Variants in CUL9 observed in about 807,000 individuals in gnomAD.
CUL9 encodes cullin-9.
In CUL9, 79 loss-of-function variants were observed where a neutral mutation model predicts 272.6. That is an observed-to-expected ratio of 0.29 (90% CI 0.24 to 0.35). CUL9 has a LOEUF of 0.35. CUL9 is among the 10% of genes least tolerant of loss of function. The probability of loss-of-function intolerance (pLI) is 1.00; values close to 1 mark genes in which losing one functional copy is unlikely to be tolerated. For missense variants in CUL9, 2,532 were observed against 3,255.6 expected (o/e 0.78, Z 5.41); for synonymous variants, 1,186 against 1,286.5 (o/e 0.92, Z 1.67).
intron 26 of CUL9, among the ~76,000 whole-genome samples, chr6:43,211,082 A>C (rs1027229668): frequency 6.6e-6 from 1 of 152,220 alleles, no homozygotes; most frequent in Non-Finnish European, 1.5e-5. Flanking sequence ...TCTTAACTCC[A>C]GCTCTAACTC....
chr6:43,207,582 T>C (rs1775149149), intron 26 of CUL9, among the ~76,000 whole-genome samples: 1 of 152,230 alleles, frequency 6.6e-6, no homozygotes, highest in South Asian at 2.1e-4. Flanking sequence ...ATTTTTATTA[T>C]TGTTTAGTTC....
chr6:43,223,119 G>A lies in CUL9; in HGVS notation c.7151-145G>A. 8.1e-7 allele frequency: 1 copy of A among 1,231,310 alleles called. No homozygotes were observed. The highest frequency in any genetic ancestry group is 2.7e-5 in the Admixed American group (1 of 36,408). 76.3% of individuals were successfully genotyped at this position (1,231,310 alleles called of 1,614,324 possible). ...GTTCGTGGATGTTTCTTGGTTTCTG[G>A]TCTTTACCCTGCTCCCCTAGGGAGC... On this transcript the variant is annotated intron_variant, in intron 38 of 40. Transcript: ENST00000252050. This position sits in a 1 kb window ranked among gnomAD's most constrained non-coding sequence, Gnocchi z 4.1.
chr6:43,223,459 C>T lies in CUL9; in HGVS notation c.7284+62C>T. The T allele has an allele frequency of 6.6e-7, 1 of 1,520,972 alleles. No individual in the cohort carries two copies. Among genetic ancestry groups the T allele is most frequent in the Non-Finnish European group, 8.9e-7 (1 of 1,126,346 alleles). 94.2% of individuals were successfully genotyped at this position (1,520,972 alleles called of 1,614,324 possible). On this transcript the variant is annotated intron_variant, in intron 39 of 40. Coordinates refer to ENST00000252050, the MANE Select transcript of CUL9 (RefSeq NM_015089.4). The surrounding 1 kb of genome is among the most constrained non-coding windows in gnomAD (Gnocchi z 4.1). ...CTGCGGGAGTTGAGGTCCTCCTGTC[C>T]CAGCACAGCCCCTGCCCTGGGGCGA...
In CUL9 at chr6:43,200,505, T is replaced by C; in HGVS notation, c.3454T>C (p.Phe1152Leu). ...QPINIPFFDVFLRHLCQGSSV... is the reference protein window; with the variant it reads ...QPINIPFFDVLLRHLCQGSSV... ...CATCAATATCCCCTTCTTTGATGTG[T>C]TCCTCAGGCATCTCTGCCAGGGTTA... is the stretch of plus-strand genomic sequence containing the variant. Residue 1152 changes from phenylalanine (F) to leucine (L), a missense_variant, in exon 15 of 41, where the codon TTC becomes CTC. Physicochemically the swap from Phe to Leu is conservative, Grantham distance 22. This residue lies in a region of CUL9 where 2,218 missense variants were observed against 2,788.6 expected (regional missense o/e 0.80). Coordinates refer to ENST00000252050, the MANE Select transcript of CUL9 (RefSeq NM_015089.4). The surrounding 1 kb of genome is among the most constrained non-coding windows in gnomAD (Gnocchi z 4.0). 2 of 1,614,180 alleles carry C rather than the reference T, an allele frequency of 1.2e-6. No homozygotes were observed. Among genetic ancestry groups the C allele is most frequent in the Non-Finnish European group, 1.7e-6 (2 of 1,180,040 alleles).
At chr6:43,198,893 G>A (rs1195748901) in intron 12 of CUL9, 38 bp downstream of exon 12, 3 of 1,595,042 alleles carry the variant, frequency 1.9e-6, no homozygotes, top group African/African-American at 1.3e-5. Context: ...TTGGGACGAG[G>A]GAAACTGGCA....
chr6:43,187,227 G>A lies in CUL9; in HGVS notation c.1388-19G>A, dbSNP rs759788784. 1.7e-5 allele frequency: 28 copies of A among 1,612,062 alleles called. No homozygotes were observed. Among genetic ancestry groups the A allele is most frequent in the Middle Eastern group, 1.7e-4 (1 of 5,926 alleles). ...CCATTCCTGAGGGGTGCTGATGCCC[G>A]CCATGCCTGTGTCCTCAGCATTTCC... On this transcript the variant is annotated intron_variant, in intron 5 of 40. Transcript: ENST00000252050.
chr6:43,199,233 G>T lies in CUL9; in HGVS notation c.3051-33G>T. 1 of 1,556,824 alleles carries T rather than the reference G, an allele frequency of 6.4e-7. No individual in the cohort carries two copies. Among genetic ancestry groups the T allele is most frequent in the Non-Finnish European group, 8.9e-7 (1 of 1,129,236 alleles). On this transcript the variant is annotated intron_variant, in intron 12 of 40. Transcript: ENST00000252050. This position sits in a 1 kb window ranked among gnomAD's most constrained non-coding sequence, Gnocchi z 4.4. ...TTACAGGCATGAGCCACTGTGCCTGGCCTGACTTCACTCGTTTCTACCCCC... is the reference window on the plus strand; with the variant it reads ...TTACAGGCATGAGCCACTGTGCCTGTCCTGACTTCACTCGTTTCTACCCCC...
rs1042782640 is a variant in CUL9 at position 43,220,387 on chromosome 6, T to C, written c.6283-72T>C. On this transcript the variant is annotated intron_variant, in intron 31 of 40. Transcript: ENST00000252050. This position sits in a 1 kb window ranked among gnomAD's most constrained non-coding sequence, Gnocchi z 4.9. ...GGGAAGGGAAGGAGGGACGCTAGCT[T>C]AGTTACCAGGACACTCCCCCTGTGC... 1.3e-6 allele frequency: 2 copies of C among 1,551,452 alleles called. No individual in the cohort carries two copies. The highest frequency in any genetic ancestry group is 2.3e-5 in the East Asian group (1 of 44,310).
In CUL9 at chr6:43,216,434, C is replaced by G; in HGVS notation, c.6213C>G (p.Pro2071=). Residue 2071 remains proline, a synonymous_variant, in exon 31 of 41, where the codon CCC becomes CCG. Transcript: ENST00000252050. ...QAVPVRPDHC[P]VCVSPLGCDD... is the part of the protein sequence containing the mutation. ...TACCCGTACGGCCTGACCACTGCCC[C>G]GTCTGTGTGAGCCCCCTGGGGTGTG... 6.2e-7 allele frequency: 1 copy of G among 1,612,342 alleles called. No homozygotes were observed.
At chr6:43,217,645 A>G (rs551061116) in intron 31 of CUL9, among the ~76,000 whole-genome samples, 1 of 152,312 alleles carries the variant, frequency 6.6e-6, no homozygotes, top group East Asian at 1.9e-4. Flanking sequence ...GTGCACGTGC[A>G]TGCGTGTGTA....
In CUL9 at chr6:43,224,488, G is replaced by A. The variant is rs185040196; in HGVS notation, c.*43G>A. Reference sequence around the variant, plus strand: ...ACACCTAGAGCAGCCCCAGAGTCACGGGGCTGAGGGGGCGGGAGCTGCCCC... The same window carrying A: ...ACACCTAGAGCAGCCCCAGAGTCACAGGGCTGAGGGGGCGGGAGCTGCCCC... On this transcript the variant is annotated 3_prime_UTR_variant, in exon 41 of 41. Coordinates refer to ENST00000252050, the MANE Select transcript of CUL9 (RefSeq NM_015089.4). This position sits in a 1 kb window ranked among gnomAD's most constrained non-coding sequence, Gnocchi z 4.2. 24 of 1,566,130 alleles carry A rather than the reference G, an allele frequency of 1.5e-5. No homozygotes were observed. Among genetic ancestry groups the A allele is most frequent in the Admixed American group, 3.6e-5 (2 of 55,030 alleles).
In CUL9 at chr6:43,213,775, C is replaced by T; in HGVS notation, c.5551C>T (p.Pro1851Ser). 1.9e-6 allele frequency: 3 copies of T among 1,614,130 alleles called. No individual in the cohort carries two copies. The East Asian group carries it at 6.7e-5, about 36-fold the overall frequency. Residue 1851 changes from proline (P) to serine (S), a missense_variant, in exon 29 of 41, where the codon CCC (proline) becomes TCC (serine). By Grantham distance (74) the Pro-to-Ser change is moderately conservative. Coordinates refer to ENST00000252050, the MANE Select transcript of CUL9 (RefSeq NM_015089.4). The surrounding 1 kb of genome is among the most constrained non-coding windows in gnomAD (Gnocchi z 5.7). ...RSGEALWLIP[P>S]QAYLNVEKDE... ...TGGGGAGGCCCTGTGGCTGATACCT[C>T]CCCAGGCATACCTGAACGTAGAGAA...
intron 29 of CUL9, 80 bp from the exon 30 acceptor site, chr6:43,214,999 A>C (rs1466728240): frequency 6.8e-7 from 1 of 1,479,142 alleles, no homozygotes; most frequent in Non-Finnish European, 9.1e-7. Context: ...GGGGAAAAAT[A>C]AGTGGCAGAG....
Position 43,200,131 on chromosome 6 carries a change from C to G in CUL9, c.3359C>G (p.Ser1120Cys). Residue 1120 changes from serine to cysteine, a missense_variant, in exon 14 of 41, where the codon TCC becomes TGC. Ser to Cys is a moderately radical substitution (Grantham distance 112). Around this residue, in one of 3 missense-constraint regions of CUL9, gnomAD observed 2,218 missense variants for 2,788.6 expected, o/e 0.80. Coordinates refer to ENST00000252050, the MANE Select transcript of CUL9 (RefSeq NM_015089.4). This position sits in a 1 kb window ranked among gnomAD's most constrained non-coding sequence, Gnocchi z 4.0. The stretch of plus-strand genomic sequence containing the variant: ...GCACAGCTCTATAGCAACCTCACCT[C>G]CAGCATCCTGGCCGGCTGCATTCAG... ...KYAQLYSNLT[S>C]SILAGCIQMV... 1 of 1,614,160 alleles carries G rather than the reference C, an allele frequency of 6.2e-7. No individual in the cohort carries two copies.
rs1455509915 is a variant in CUL9, at chr6:43,204,345, C to T, written c.4160-15C>T. On this transcript the variant is annotated splice_polypyrimidine_tract_variant and intron_variant, in intron 20 of 40. Coordinates refer to ENST00000252050, the MANE Select transcript of CUL9 (RefSeq NM_015089.4). ...ATCTCCCATGGAGACCTGTTCCTGA[C>T]CTGTCTTCTTTCAGATGCGGAAGGC... 1.2e-6 allele frequency: 2 copies of T among 1,612,996 alleles called. No individual in the cohort carries two copies. Among genetic ancestry groups the T allele is most frequent in the Non-Finnish European group, 1.7e-6 (2 of 1,179,098 alleles).
In CUL9 at chr6:43,206,196, G is replaced by C. The variant is rs746938088; in HGVS notation, c.4983G>C (p.Glu1661Asp). The change falls in exon 25 of 41, where the codon GAG becomes GAC. Residue 1661 changes from glutamate (E) to aspartate (D), a missense_variant. Transcript: ENST00000252050. The surrounding 1 kb of genome is among the most constrained non-coding windows in gnomAD (Gnocchi z 4.8). ...QLQRLDKLFL[E>D]QEDEEEKRLE... ...AGCGGCTCGACAAGTTGTTCTTGGA[G>C]CAGGAAGATGAGGAGGAAAAGAGAC... 1.2e-6 allele frequency: 2 copies of C among 1,612,574 alleles called. No homozygotes were observed. The highest frequency in any genetic ancestry group is 2.2e-5 in the South Asian group (2 of 90,894).
chr6:43,196,456 G>A, intron 10 of CUL9, 189 bp from the exon 11 acceptor site: 1 of 764,716 alleles, frequency 1.3e-6, no homozygotes. Flanking sequence ...CCCAGAGAGG[G>A]CAGAGACACA....
rs1027876023 is a variant in CUL9, at chr6:43,222,505, G to A, written c.6922-26G>A. 5.6e-6 allele frequency: 9 copies of A among 1,612,354 alleles called. No individual in the cohort carries two copies. In the South Asian group the frequency reaches 8.8e-5, roughly 16 times the overall value. On this transcript the variant is annotated intron_variant, in intron 36 of 40. Coordinates refer to ENST00000252050, the MANE Select transcript of CUL9 (RefSeq NM_015089.4). The stretch of plus-strand genomic sequence containing the variant: ...AGGTGGTGCTGCGCCACCTGTGCTG[G>A]TACTGATACACCTTCCTCCACACAG...
intron 26 of CUL9, among the ~76,000 whole-genome samples, chr6:43,208,198 A>C (rs1775192132): frequency 6.6e-6 from 1 of 152,112 alleles, no homozygotes; most frequent in African/African-American, 2.4e-5. Flanking sequence ...TAATCAGTTT[A>C]TTATTTTATT....
Sources: gnomAD v4.1 joint callset for allele counts (sites outside exome capture counted in the v4.1 genomes callset) on GRCh38, gnomAD v4.1.1 for gene constraint, gnomAD v4.1.1 regional missense constraint, Gnocchi (gnomAD v3.1) non-coding constraint, MANE v1.5 for transcripts, NCBI Gene and HGNC (gene_info 2026-07-23, HGNC 2026-07-21) for gene names.